SUGCT: variants seen among roughly 807,000 people sequenced by gnomAD.
SUGCT encodes the protein succinyl-CoA:glutarate CoA-transferase.
In SUGCT, 41 loss-of-function variants were observed where a neutral mutation model predicts 55.0. The observed-to-expected ratio is 0.74, with a 90% CI of 0.58 to 0.97. The LOEUF is 0.97. Among genes scored for constraint, SUGCT ranks in the 50% least tolerant of loss-of-function variants. The pLI, the probability that SUGCT is intolerant of heterozygous loss-of-function variation, is 0.00. For missense variants in SUGCT, 568 were observed against 547.8 expected, an observed-to-expected ratio of 1.04 and a Z score of -0.37; for synonymous variants, 187 against 200.4, an observed-to-expected ratio of 0.93 and a Z score of 0.56.
At chr7:40,619,901 T>C (rs1799185658) in intron 12 of SUGCT, among the ~76,000 whole-genome samples, 1 of 152,214 alleles carries the variant, frequency 6.6e-6, no homozygotes, top group Admixed American at 6.5e-5. Flanking sequence ...TACAAAGAGT[T>C]TTCACTTTGA....
intron 12 of SUGCT, among the ~76,000 whole-genome samples, chr7:40,665,625 C>A (rs1801587035): frequency 6.6e-6 from 1 of 151,936 alleles, no homozygotes. Flanking sequence ...AAAGTTTCCA[C>A]TAGTTTGAGC....
At chr7:40,717,147 A>G (rs891480509) in intron 12 of SUGCT, among the ~76,000 whole-genome samples, 1 of 152,240 alleles carries the variant, frequency 6.6e-6, no homozygotes, top group African/African-American at 2.4e-5. Context: ...GAAATAATCA[A>G]GAATACATAG....
chr7:40,828,561 T>C (rs1334439265), intron 13 of SUGCT, among the ~76,000 whole-genome samples: 1 of 146,458 alleles, frequency 6.8e-6, no homozygotes, highest in Non-Finnish European at 1.5e-5. Context: ...CTAAACTGTG[T>C]CTGACTTGCT....
chr7:40,177,773 G>A (rs1475280327), intron 1 of SUGCT, among the ~76,000 whole-genome samples: 1 of 151,940 alleles, frequency 6.6e-6, no homozygotes, highest in African/African-American at 2.4e-5. Context: ...TTTTTGAGAT[G>A]GAGTCTCCCT....
At chr7:40,631,477 A>G (rs1368178226) in intron 12 of SUGCT, among the ~76,000 whole-genome samples, 1 of 152,210 alleles carries the variant, frequency 6.6e-6, no homozygotes, top group African/African-American at 2.4e-5. Flanking sequence ...TCACTCATCA[A>G]AGAACTAAAT....
intron 13 of SUGCT, among the ~76,000 whole-genome samples, chr7:40,817,381 A>G (rs942888112): frequency 9.2e-5 from 14 of 152,048 alleles, no homozygotes; most frequent in African/African-American, 2.9e-4. Context: ...GGGGGAAAAA[A>G]CCCTGAATAA....
At chr7:40,839,579 T>C (rs1261856761) in intron 13 of SUGCT, among the ~76,000 whole-genome samples, 2 of 152,220 alleles carry the variant, frequency 1.3e-5, no homozygotes, top group African/African-American at 2.4e-5. Context: ...GAATTCAGTA[T>C]CATTAATGAT....
In SUGCT at chr7:40,319,328, G is replaced by A. The variant is rs564334711; in HGVS notation, c.816+2473G>A. 1.4e-4 allele frequency among the ~76,000 whole-genome samples: 21 copies of A among 152,226 alleles called. No individual in the cohort carries two copies. The South Asian group carries it at 4.2e-3, about 30-fold the overall frequency. On this transcript the variant is annotated intron_variant, in intron 9 of 13. Coordinates refer to ENST00000335693, the MANE Select transcript of SUGCT (RefSeq NM_001193313.2). ...TGAAATGAAACTAGCATACCAAGAT[G>A]GGTCCTAGATATGCTTAGAGACCCC...
At chr7:40,772,568 T>C (rs369840490) in intron 13 of SUGCT, among the ~76,000 whole-genome samples, 298 of 139,026 alleles carry the variant, frequency 2.1e-3, no homozygotes, top group Non-Finnish European at 2.7e-3. Context: ...CTATCTGGTG[T>C]TATCTATCTG....
At chr7:40,646,268 C>T (rs1041802241) in intron 12 of SUGCT, among the ~76,000 whole-genome samples, 1 of 152,210 alleles carries the variant, frequency 6.6e-6, no homozygotes, top group African/African-American at 2.4e-5. Flanking sequence ...ACTTGGGACT[C>T]CTCATAGCCT....
intron 9 of SUGCT, among the ~76,000 whole-genome samples, chr7:40,326,818 A>G (rs1015532239): frequency 2.6e-5 from 4 of 152,222 alleles, no homozygotes; most frequent in African/African-American, 7.2e-5. Context: ...TGAGAAGCCC[A>G]CAAGATGGGA....
intron 9 of SUGCT, among the ~76,000 whole-genome samples, chr7:40,327,819 T>A (rs1449823695): frequency 6.6e-6 from 1 of 152,226 alleles, no homozygotes; most frequent in African/African-American, 2.4e-5. Context: ...CTATAATAAT[T>A]ATCAGATGTA....
At chr7:40,305,280 C>CTA (rs1209782443) in intron 8 of SUGCT, among the ~76,000 whole-genome samples, 1 of 152,156 alleles carries the variant, frequency 6.6e-6, no homozygotes, top group Non-Finnish European at 1.5e-5. Context: ...GGAATTGTAC[C>CTA]TAACTTTCCT....
chr7:40,599,498 A>G (rs1024697994), intron 12 of SUGCT, among the ~76,000 whole-genome samples: 1 of 152,104 alleles, frequency 6.6e-6, no homozygotes, highest in Non-Finnish European at 1.5e-5. Flanking sequence ...GATTCATTTT[A>G]TAAGAGTTCC....
At chr7:40,339,951 T>G (rs1022058410) in intron 9 of SUGCT, among the ~76,000 whole-genome samples, 2 of 152,230 alleles carry the variant, frequency 1.3e-5, no homozygotes, top group African/African-American at 4.8e-5. Context: ...GAGGAACTGA[T>G]GAAATCTATG....
At chr7:40,292,425 G>C (rs1793847582) in intron 8 of SUGCT, among the ~76,000 whole-genome samples, 1 of 152,116 alleles carries the variant, frequency 6.6e-6, no homozygotes, top group Non-Finnish European at 1.5e-5. Context: ...TTACAGGATA[G>C]ACGACAATTC....
chr7:40,809,391 A>G (rs1257945473), intron 13 of SUGCT, among the ~76,000 whole-genome samples: 3 of 152,162 alleles, frequency 2.0e-5, no homozygotes, highest in Non-Finnish European at 4.4e-5. Context: ...CAATGGTAAC[A>G]CTATATTTTA....
At chr7:40,855,861 T>G (rs1399255882) in intron 13 of SUGCT, among the ~76,000 whole-genome samples, 1 of 152,194 alleles carries the variant, frequency 6.6e-6, no homozygotes, top group Non-Finnish European at 1.5e-5. Flanking sequence ...TTTTTAACTT[T>G]CCCTTTATAG....
chr7:40,174,572 A>C (rs999428804), intron 1 of SUGCT, among the ~76,000 whole-genome samples: 1 of 152,224 alleles, frequency 6.6e-6, no homozygotes, highest in African/African-American at 2.4e-5. Flanking sequence ...CAGAAGGTCG[A>C]GGTTACAGTG....
Sources: gnomAD v4.1 joint callset for allele counts (sites outside exome capture counted in the v4.1 genomes callset) on GRCh38, gnomAD v4.1.1 for gene constraint, MANE v1.5 for transcripts, NCBI Gene and HGNC (gene_info 2026-07-23, HGNC 2026-07-21) for gene names.